TMC5: variants seen among roughly 807,000 people sequenced by gnomAD.
TMC5 encodes the protein transmembrane channel like 5.
In TMC5, 86 loss-of-function variants were observed where a neutral mutation model predicts 110.5. The observed-to-expected ratio is 0.78, with a 90% confidence interval of 0.65 to 0.93. The LOEUF is 0.93. TMC5 is among the 40% of genes least tolerant of loss of function. TMC5 has a pLI of 0.00. For synonymous variants in TMC5, 455 were observed against 439.5 expected, an observed-to-expected ratio of 1.04 and a Z score of -0.44; for missense variants, 1,144 against 1,222.8, an observed-to-expected ratio of 0.94 and a Z score of 0.96.
At chr16:19,456,479 C>A (rs1252752568) in intron 5 of TMC5, 2 of 1,230,078 alleles carry the variant, frequency 1.6e-6, no homozygotes, top group African/African-American at 3.0e-5. Flanking sequence ...AACACTCCTT[C>A]TCCTGAGAAA....
chr16:19,427,491 C>T (rs1207518020), intron 1 of TMC5, among the ~76,000 whole-genome samples: 1 of 152,156 alleles, frequency 6.6e-6, no homozygotes, highest in East Asian at 1.9e-4. Flanking sequence ...GTTTCTCAAT[C>T]TAGTTCCCGA....
At position 19,469,757 on chromosome 16, in the gene TMC5, T is replaced by G; in HGVS notation, c.1714T>G (p.Trp572Gly). 6.2e-7 allele frequency: 1 copy of G among 1,614,212 alleles called. No individual in the cohort carries two copies. The highest frequency in any genetic ancestry group is 8.5e-7 in the Non-Finnish European group (1 of 1,180,012). The part of the protein sequence containing the change: ...SGGITKLIFC[W>G]DFTVTHEKAV... ...AGGGATCACCAAGCTGATCTTTTGC[T>G]GGGACTTCACTGTCACTCATGAAAA... is the stretch of plus-strand genomic sequence containing the variant. The change falls in exon 10 of 22, where the codon TGG becomes GGG. Residue 572 changes from tryptophan (W) to glycine (G), a missense_variant. Physicochemically the swap from Trp to Gly is radical, Grantham distance 184. Transcript: ENST00000542583.
rs1968519050 is a variant in TMC5 at position 19,477,537 on chromosome 16, C to G, written c.2169+19C>G. On this transcript the variant is annotated intron_variant, in intron 13 of 21. Transcript: ENST00000542583. ...TGAAGAGGTGAGATTCTATGCTTCT[C>G]TGCCTTAAGTTTGGTTTCTTAGCAT... 2 of 1,569,694 alleles carry G rather than the reference C, an allele frequency of 1.3e-6. No individual in the cohort carries two copies. The highest frequency in any genetic ancestry group is 1.7e-6 in the Non-Finnish European group (2 of 1,153,486).
At chr16:19,432,645 C>T (rs1024498629) in intron 2 of TMC5, among the ~76,000 whole-genome samples, 3 of 152,144 alleles carry the variant, frequency 2.0e-5, no homozygotes, top group African/African-American at 7.2e-5. Flanking sequence ...GTGGGTTTAG[C>T]TCTTTGTTTG....
At position 19,495,008 on chromosome 16, in the gene TMC5, A is replaced by ATTT. The variant is rs1226858039; in HGVS notation, c.2931+644_2931+645insTTT. On this transcript the variant is annotated intron_variant, in intron 20 of 21. Coordinates refer to ENST00000542583, the MANE Select transcript of TMC5 (RefSeq NM_001261841.2). ...TCTCACTATGAATACTTCAGTGTCT[A>ATTT]TTCTTTTTTTTTTTTTTTTTTTTTG... Among the ~76,000 whole-genome samples the ATTT allele has an allele frequency of 3.5e-4, 13 of 37,128 alleles. 1 individual carries two copies. The highest frequency in any genetic ancestry group is 8.7e-4 in the African/African-American group (7 of 8,026). The allele number at this position is 37,128 out of a possible 152,430, so 24.4% of individuals were successfully genotyped here.
chr16:19,495,778 A>G (rs1407010943), intron 20 of TMC5, among the ~76,000 whole-genome samples: 1 of 151,924 alleles, frequency 6.6e-6, no homozygotes. Context: ...GTTTGAGGCT[A>G]CAGTGAGCTA....
In TMC5 at chr16:19,498,669, T is replaced by C. The variant is rs539342992; in HGVS notation, c.*703T>C. ...TTATCCGAGACGCGATTATTGCTAA[T>C]TGGAAATTTTCCCAATACCCCACCG... On this transcript the variant is annotated 3_prime_UTR_variant, in exon 22 of 22. Transcript: ENST00000542583. 1 of 152,314 alleles carries C rather than the reference T, an allele frequency of 6.6e-6. No individual in the cohort carries two copies. The highest frequency in any genetic ancestry group is 2.4e-5 in the African/African-American group (1 of 41,564). 9.4% of individuals were successfully genotyped at this position (152,314 alleles called of 1,614,324 possible). A position where few individuals can be genotyped will look rare whatever the true frequency, so the allele number is the denominator to read the frequency against.
chr16:19,484,880 T>C (rs1352395641), intron 15 of TMC5, among the ~76,000 whole-genome samples: 3 of 151,698 alleles, frequency 2.0e-5, no homozygotes, highest in African/African-American at 4.8e-5. Flanking sequence ...TTTTTCTCCA[T>C]GGTTATTTCA....
chr16:19,438,873 T>C (rs1312304848), intron 2 of TMC5, among the ~76,000 whole-genome samples: 1 of 152,220 alleles, frequency 6.6e-6, no homozygotes, highest in African/African-American at 2.4e-5. Context: ...GATTTGCTAA[T>C]GGGACAGCCT....
intron 16 of TMC5, 46 bp downstream of exon 16, chr16:19,487,066 T>C (rs372439122): frequency 6.2e-7 from 1 of 1,609,974 alleles, no homozygotes; most frequent in South Asian, 1.1e-5. Flanking sequence ...TTCAGTCACC[T>C]GTGACCTGGT....
intron 7 of TMC5, 133 bp downstream of exon 7, chr16:19,463,500 G>C: frequency 2.2e-6 from 2 of 889,696 alleles, no homozygotes; most frequent in Non-Finnish European, 3.6e-6. Flanking sequence ...GGTTAGTACA[G>C]GTGTGGAAAA....
intron 9 of TMC5, among the ~76,000 whole-genome samples, chr16:19,468,513 C>G (rs1211009726): frequency 6.6e-6 from 1 of 151,936 alleles, no homozygotes; most frequent in Admixed American, 6.6e-5. Flanking sequence ...ATCCCCAGAA[C>G]TGGTGAATAT....
chr16:19,423,085 C>T (rs2143365528), intron 1 of TMC5, among the ~76,000 whole-genome samples: 1 of 152,346 alleles, frequency 6.6e-6, no homozygotes, highest in East Asian at 1.9e-4. Context: ...GGTTGCACCG[C>T]TGCACTTACC....
At chr16:19,438,957 A>G (rs1967418759) in intron 2 of TMC5, among the ~76,000 whole-genome samples, 1 of 152,218 alleles carries the variant, frequency 6.6e-6, no homozygotes, top group Admixed American at 6.5e-5. Context: ...TGGACAAGAA[A>G]AGGGAGATGA....
chr16:19,444,095 C>T lies in TMC5; in HGVS notation c.803C>T (p.Thr268Ile), dbSNP rs755254311. 8 of 1,613,854 alleles carry T rather than the reference C, an allele frequency of 5.0e-6. 1 individual carries two copies. The Admixed American group carries it at 8.3e-5, about 17-fold the overall frequency. Residue 268 changes from threonine (T) to isoleucine (I), a missense_variant, in exon 4 of 22, where the codon ACA becomes ATA. Transcript: ENST00000542583. ...TTGGATTTTAGGGTGCTCAGCAGAA[C>T]ATCTTCAATCCAGCCCTCATTTCGT... ...PKMTRGVLSR[T>I]SSIQPSFRHR...
At chr16:19,426,644 A>G (rs1967093483) in intron 1 of TMC5, among the ~76,000 whole-genome samples, 1 of 152,194 alleles carries the variant, frequency 6.6e-6, no homozygotes, top group African/African-American at 2.4e-5. Context: ...CCATCCAGCC[A>G]AGCAAGAAGG....
chr16:19,465,766 A>G (rs1238597619), intron 8 of TMC5, among the ~76,000 whole-genome samples: 3 of 152,168 alleles, frequency 2.0e-5, no homozygotes, highest in Non-Finnish European at 1.5e-5. Flanking sequence ...TAGCCATAAT[A>G]CTGGTGACAG....
intron 11 of TMC5, 107 bp downstream of exon 11, chr16:19,472,350 CAGCATCAGCACT>C (rs1329623117): frequency 7.9e-7 from 1 of 1,269,134 alleles, no homozygotes; most frequent in Non-Finnish European, 1.1e-6. Context: ...CTATGGCCAG[CAGCATCAGCACT>C]AGCAGAGAAC....
intron 1 of TMC5, 72 bp from the exon 2 acceptor site, chr16:19,430,341 G>A (rs1438427049): frequency 6.6e-6 from 1 of 152,204 alleles, no homozygotes; most frequent in Non-Finnish European, 1.5e-5. Flanking sequence ...GCTTCCAAAT[G>A]CACAGGATTG....
Sources: gnomAD v4.1 joint callset for allele counts (sites outside exome capture counted in the v4.1 genomes callset) on GRCh38, gnomAD v4.1.1 for gene constraint, MANE v1.5 for transcripts, NCBI Gene and HGNC (gene_info 2026-07-23, HGNC 2026-07-21) for gene names.